The following ZFHX4 variants were observed in gnomAD, a reference collection of about 807,000 sequenced individuals.
The protein encoded by ZFHX4 is zinc finger homeobox 4.
In ZFHX4, 56 loss-of-function variants were observed where a neutral mutation model predicts 267.6. The ratio of observed to expected loss-of-function variants is 0.21; its 90% confidence interval spans 0.17 to 0.26. ZFHX4 has a LOEUF of 0.26. Ranked by LOEUF, ZFHX4 falls within the 10% of genes least tolerant of loss-of-function variation. The pLI, the probability that ZFHX4 is intolerant of heterozygous loss-of-function variation, is 1.00. For synonymous variants in ZFHX4, 1,778 were observed against 1,665.6 expected, an observed-to-expected ratio of 1.07 and a Z score of -1.64; for missense variants, 4,332 against 4,420.0, an observed-to-expected ratio of 0.98 and a Z score of 0.56.
chr8:76,703,951 C>T lies in ZFHX4; in HGVS notation c.-46-92C>T, dbSNP rs565755124. 4.3e-5 allele frequency: 39 copies of T among 908,876 alleles called. No homozygotes were observed. The Middle Eastern group carries it at 1.2e-3, about 29-fold the overall frequency. 56.3% of individuals were successfully genotyped at this position (908,876 alleles called of 1,614,324 possible). ...TTCCCCTTACCTTTTTAGATAGTCA[C>T]GTTTACAGCAGCTGTAAATTAGTGA... On this transcript the variant is annotated intron_variant, in intron 1 of 10. Coordinates refer to ENST00000651372, the MANE Select transcript of ZFHX4 (RefSeq NM_024721.5).
chr8:76,704,786 G>A lies in ZFHX4; in HGVS notation c.698G>A (p.Arg233Gln), dbSNP rs776461133. Reference sequence around the variant, plus strand: ...CACAGTTTCCGTGTCTATGATCTCCGACACAAGAGAGAGAAAGACTATCTA... The same window carrying A: ...CACAGTTTCCGTGTCTATGATCTCCAACACAAGAGAGAGAAAGACTATCTA... ...VLHSFRVYDL[R>Q]HKREKDYLTS... The change falls in exon 2 of 11, where the codon CGA becomes CAA. Residue 233 changes from arginine to glutamine, a missense_variant. Around this residue, in one of 7 missense-constraint regions of ZFHX4, gnomAD observed 1,195 missense variants for 1,173.6 expected, o/e 1.02. Transcript: ENST00000651372. 4.3e-6 allele frequency: 7 copies of A among 1,613,978 alleles called. No homozygotes were observed. The highest frequency in any genetic ancestry group is 1.1e-5 in the South Asian group (1 of 91,064).
rs890342185 is a variant in ZFHX4, at chr8:76,760,206, C to T, written c.3094-18002C>T. ...TTTTCCTTTGATTTCTAAGGATGTA[C>T]CTACCATTCCACACAATAAATAGGT... On this transcript the variant is annotated intron_variant, in intron 3 of 10. Coordinates refer to ENST00000651372, the MANE Select transcript of ZFHX4 (RefSeq NM_024721.5). Among the ~76,000 whole-genome samples the T allele has an allele frequency of 2.4e-4, 36 of 152,118 alleles. 1 individual carries two copies. Among genetic ancestry groups the T allele is most frequent in the Admixed American group, 2.3e-3 (35 of 15,262 alleles).
chr8:76,704,669 C>G lies in ZFHX4; in HGVS notation c.581C>G (p.Thr194Ser), dbSNP rs1255681555. 3 of 1,613,928 alleles carry G rather than the reference C, an allele frequency of 1.9e-6. No individual in the cohort carries two copies. The highest frequency in any genetic ancestry group is 2.5e-6 in the Non-Finnish European group (3 of 1,179,908). ...PMSFYPQIIN[T>S]FHIASSLGKP... is the part of the protein sequence containing the mutation. The stretch of plus-strand genomic sequence containing the variant: ...TCGTTCTACCCACAGATCATCAACA[C>G]TTTTCATATCGCTTCATCCCTCGGG... Residue 194 changes from threonine (T) to serine (S), a missense_variant, in exon 2 of 11, where the codon ACT becomes AGT. Thr to Ser is a moderately conservative substitution (Grantham distance 58, BLOSUM62 1). Around this residue, in one of 7 missense-constraint regions of ZFHX4, gnomAD observed 1,195 missense variants for 1,173.6 expected, o/e 1.02. Coordinates refer to ENST00000651372, the MANE Select transcript of ZFHX4 (RefSeq NM_024721.5).
chr8:76,765,102 C>T (rs1195371284), intron 3 of ZFHX4, among the ~76,000 whole-genome samples: 1 of 152,054 alleles, frequency 6.6e-6, no homozygotes, highest in African/African-American at 2.4e-5. Context: ...AATACCATTC[C>T]GGATATAGTT....
rs146293386 is a variant in ZFHX4, at chr8:76,707,063, T to G, written c.2590+385T>G. 7.9e-3 allele frequency among the ~76,000 whole-genome samples: 1,203 copies of G among 152,356 alleles called. 10 individuals carry two copies. The highest frequency in any genetic ancestry group is 0.027 in the Middle Eastern group (8 of 294). On this transcript the variant is annotated intron_variant, in intron 2 of 10. Coordinates refer to ENST00000651372, the MANE Select transcript of ZFHX4 (RefSeq NM_024721.5). Reference sequence around the variant, plus strand: ...TAAAAGGGTATAGCATTATTTTGAATTAAATATATTTAAGAAATATTTTAA... The same window carrying G: ...TAAAAGGGTATAGCATTATTTTGAAGTAAATATATTTAAGAAATATTTTAA...
Position 76,772,563 on chromosome 8 carries a change from C to G in ZFHX4, c.3094-5645C>G, listed in dbSNP as rs576727377. Among the ~76,000 whole-genome samples, 5 of 152,166 alleles carry G rather than the reference C, an allele frequency of 3.3e-5. No individual in the cohort carries two copies. In the South Asian group the frequency reaches 1.0e-3, roughly 32 times the overall value. The stretch of plus-strand genomic sequence containing the variant: ...ATGACTCCCAGGAGTCATATTTTGA[C>G]TGTATTTTGACTCCCAGGAAGGCAA... On this transcript the variant is annotated intron_variant, in intron 3 of 10. Transcript: ENST00000651372.
chr8:76,692,442 T>G (rs1408862984), intron 1 of ZFHX4, among the ~76,000 whole-genome samples: 1 of 152,096 alleles, frequency 6.6e-6, no homozygotes, highest in Admixed American at 6.6e-5. Flanking sequence ...TGACCAAAAT[T>G]TATACCAACC....
chr8:76,800,441 C>T (rs1365239329), intron 4 of ZFHX4, among the ~76,000 whole-genome samples: 2 of 152,154 alleles, frequency 1.3e-5, no homozygotes, highest in South Asian at 2.1e-4. Context: ...ATTACAAAAT[C>T]GGTTTCACTT....
intron 3 of ZFHX4, among the ~76,000 whole-genome samples, chr8:76,742,150 A>G (rs767546486): frequency 1.3e-5 from 2 of 152,202 alleles, no homozygotes; most frequent in Non-Finnish European, 2.9e-5. Context: ...TGTGTTAAGT[A>G]GTGGTTAGAA....
At position 76,855,142 on chromosome 8, in the gene ZFHX4, G is replaced by T; in HGVS notation, c.8221G>T (p.Asp2741Tyr). 1 of 1,613,592 alleles carries T rather than the reference G, an allele frequency of 6.2e-7. No individual in the cohort carries two copies. Among genetic ancestry groups the T allele is most frequent in the Non-Finnish European group, 8.5e-7 (1 of 1,179,734 alleles). ...CCCATCTTTGCCATTAACTAAAATT[G>T]ATCTATCAAGTGAGAATGAATTGGC... ...DYPSLPLTKI[D>Y]LSSENELAST... The change falls in exon 10 of 11, where the codon GAT becomes TAT. Residue 2741 changes from aspartate (D) to tyrosine (Y), a missense_variant. By Grantham distance (160) the Asp-to-Tyr change is radical. Around this residue, in one of 7 missense-constraint regions of ZFHX4, gnomAD observed 1,648 missense variants for 1,625.0 expected, o/e 1.01. Coordinates refer to ENST00000651372, the MANE Select transcript of ZFHX4 (RefSeq NM_024721.5).
intron 4 of ZFHX4, among the ~76,000 whole-genome samples, chr8:76,779,709 C>G (rs1197203897): frequency 3.9e-5 from 6 of 152,016 alleles, no homozygotes; most frequent in African/African-American, 1.5e-4. Context: ...TTTTTTCCCC[C>G]TCTTATTATT....
Position 76,863,779 on chromosome 8 carries a change from C to A in ZFHX4, c.10065C>A (p.Asp3355Glu). 6.4e-7 allele frequency: 1 copy of A among 1,552,304 alleles called. No homozygotes were observed. Among genetic ancestry groups the A allele is most frequent in the East Asian group, 2.4e-5 (1 of 40,938 alleles). Reference protein sequence around the residue: ...VQAKTSKVESDQPQNSNDASE... With the variant: ...VQAKTSKVESEQPQNSNDASE... The stretch of plus-strand genomic sequence containing the variant: ...CAAAGACATCCAAAGTAGAAAGTGA[C>A]CAGCCGCAAAACTCCAACGATGCTT... The change falls in exon 11 of 11, where the codon GAC becomes GAA. Residue 3355 changes from aspartate to glutamate, a missense_variant. Transcript: ENST00000651372.
intron 3 of ZFHX4, among the ~76,000 whole-genome samples, chr8:76,749,203 T>C (rs1019974898): frequency 1.1e-4 from 16 of 152,304 alleles, no homozygotes; most frequent in African/African-American, 3.8e-4. Context: ...CATCTGTATG[T>C]GATATGCCAT....
chr8:76,797,255 T>C (rs2131818820), intron 4 of ZFHX4, among the ~76,000 whole-genome samples: 1 of 152,328 alleles, frequency 6.6e-6, no homozygotes, highest in East Asian at 1.9e-4. Context: ...ATGACTTTTT[T>C]CCAGAGACAG....
intron 3 of ZFHX4, among the ~76,000 whole-genome samples, chr8:76,729,457 C>T (rs1808940145): frequency 6.6e-6 from 1 of 152,104 alleles, no homozygotes; most frequent in African/African-American, 2.4e-5. Context: ...TAACAAGCCT[C>T]CTTTTTACTT....
At chr8:76,794,287 G>GT (rs1034805609) in intron 4 of ZFHX4, among the ~76,000 whole-genome samples, 76 of 152,204 alleles carry the variant, frequency 5.0e-4, no homozygotes, top group Middle Eastern at 3.4e-3. Flanking sequence ...ATGAATGCAG[G>GT]TATTTCCCAA....
chr8:76,713,684 G>A (rs767952882), intron 3 of ZFHX4, among the ~76,000 whole-genome samples: 9 of 152,016 alleles, frequency 5.9e-5, no homozygotes, highest in Non-Finnish European at 1.0e-4. Context: ...TTAATTAAGG[G>A]GAATGAAGCC....
At chr8:76,738,282 AC>A (rs2131676490) in intron 3 of ZFHX4, among the ~76,000 whole-genome samples, 1 of 152,242 alleles carries the variant, frequency 6.6e-6, no homozygotes, top group African/African-American at 2.4e-5. Flanking sequence ...TGGTGCTCAC[AC>A]AGTTATGCTG....
At chr8:76,809,342 C>A (rs1292658979) in intron 4 of ZFHX4, among the ~76,000 whole-genome samples, 1 of 152,148 alleles carries the variant, frequency 6.6e-6, no homozygotes, top group Non-Finnish European at 1.5e-5. Context: ...ACAAGGCTAG[C>A]AAATAATTTT....
Sources: gnomAD v4.1 joint callset for allele counts (sites outside exome capture counted in the v4.1 genomes callset) on GRCh38, gnomAD v4.1.1 for gene constraint, gnomAD v4.1.1 regional missense constraint, MANE v1.5 for transcripts, NCBI Gene and HGNC (gene_info 2026-07-23, HGNC 2026-07-21) for gene names.